Variants in OPCML observed in about 807,000 individuals in gnomAD.
The protein encoded by OPCML is opioid binding protein/cell adhesion molecule like.
Under a neutral mutation model 37.8 loss-of-function variants are expected in OPCML, and 13 were observed. The ratio of observed to expected loss-of-function variants is 0.34; its 90% CI spans 0.22 to 0.55. OPCML has a LOEUF of 0.55. Ranked by LOEUF, OPCML falls within the 20% of genes least tolerant of loss-of-function variation. The pLI is 0.91. For synonymous variants in OPCML, 176 were observed against 168.8 expected, an observed-to-expected ratio of 1.04 and a Z score of -0.33; for missense variants, 341 against 435.6, an observed-to-expected ratio of 0.78 and a Z score of 1.93.
intron 1 of OPCML, among the ~76,000 whole-genome samples, chr11:133,114,436 T>G (rs1949301336): frequency 6.6e-6 from 1 of 152,194 alleles, no homozygotes; most frequent in South Asian, 2.1e-4. Context: ...CAAAATCTTA[T>G]AATTACACAC....
intron 1 of OPCML, chr11:133,005,676 T>C (rs2136860525): frequency 4.1e-6 from 4 of 979,148 alleles, no homozygotes; most frequent in Non-Finnish European, 4.9e-6. Context: ...TGGATACTTA[T>C]CAATATATTA....
intron 1 of OPCML, among the ~76,000 whole-genome samples, chr11:132,976,193 C>T (rs1309782463): frequency 1.3e-5 from 2 of 151,988 alleles, no homozygotes; most frequent in Non-Finnish European, 2.9e-5. Flanking sequence ...GTAGAAATGC[C>T]AGCAATTTCC....
At chr11:133,258,928 G>T (rs891329495) in intron 1 of OPCML, among the ~76,000 whole-genome samples, 2 of 152,196 alleles carry the variant, frequency 1.3e-5, no homozygotes, top group East Asian at 3.9e-4. Context: ...AGCAGGGCCT[G>T]GCAGGCTTTG....
intron 1 of OPCML, among the ~76,000 whole-genome samples, chr11:132,996,454 TA>T (rs530006546): frequency 5.0e-3 from 662 of 132,720 alleles, no homozygotes; most frequent in Middle Eastern, 0.012. Flanking sequence ...CCATCTCTAC[TA>T]AAAAAAAAAA....
At chr11:132,429,032 G>GA (rs2136692501) in intron 7 of OPCML, among the ~76,000 whole-genome samples, 1 of 137,500 alleles carries the variant, frequency 7.3e-6, no homozygotes, top group African/African-American at 2.6e-5. Flanking sequence ...TGAATGGATG[G>GA]AGGGATGGAT....
chr11:132,962,819 T>C (rs79567115), intron 1 of OPCML, among the ~76,000 whole-genome samples: 3,257 of 152,280 alleles, frequency 0.021, 49 homozygotes, highest in Non-Finnish European at 0.032. Flanking sequence ...CTGTTTTTCG[T>C]ACAATATTTA....
At chr11:132,973,958 A>G (rs1350325486) in intron 1 of OPCML, among the ~76,000 whole-genome samples, 1 of 150,532 alleles carries the variant, frequency 6.6e-6, no homozygotes, top group East Asian at 1.9e-4. Context: ...GAAAGCACGG[A>G]GTGGATCTGG....
intron 3 of OPCML, among the ~76,000 whole-genome samples, chr11:132,535,648 G>A (rs2096338643): frequency 6.6e-6 from 1 of 152,210 alleles, no homozygotes; most frequent in African/African-American, 2.4e-5. Context: ...CTGGGACACA[G>A]TCTTAACCCT....
chr11:132,969,927 A>T (rs533237123), intron 1 of OPCML, among the ~76,000 whole-genome samples: 8 of 152,178 alleles, frequency 5.3e-5, no homozygotes, highest in African/African-American at 1.9e-4. Context: ...TCTCACAGGC[A>T]GTTTCTGTTG....
intron 1 of OPCML, among the ~76,000 whole-genome samples, chr11:132,992,601 G>A (rs1026680413): frequency 6.6e-6 from 1 of 152,138 alleles, no homozygotes; most frequent in South Asian, 2.1e-4. Flanking sequence ...TCGGGGAGAG[G>A]CAGGCAATGA....
At chr11:133,246,092 C>G (rs1320917573) in intron 1 of OPCML, among the ~76,000 whole-genome samples, 5 of 152,108 alleles carry the variant, frequency 3.3e-5, no homozygotes, top group African/African-American at 1.2e-4. Context: ...AAACCACTTT[C>G]TGCACATGTA....
chr11:132,735,841 G>A (rs922698567), intron 2 of OPCML, among the ~76,000 whole-genome samples: 7 of 152,098 alleles, frequency 4.6e-5, no homozygotes, highest in African/African-American at 1.4e-4. Context: ...AACAAAGATG[G>A]TACAAAATTA....
At chr11:132,540,855 A>G (rs1780720846) in intron 3 of OPCML, among the ~76,000 whole-genome samples, 1 of 152,198 alleles carries the variant, frequency 6.6e-6, no homozygotes, top group Admixed American at 6.5e-5. Flanking sequence ...ACTGACCATG[A>G]TCAGAGGAAC....
At chr11:133,446,638 T>C (rs954467017) in intron 1 of OPCML, among the ~76,000 whole-genome samples, 1 of 152,174 alleles carries the variant, frequency 6.6e-6, no homozygotes, top group Non-Finnish European at 1.5e-5. Context: ...ATCACCACAA[T>C]TCAGTTTTAG....
chr11:133,267,348 C>T (rs1941691875), intron 1 of OPCML, among the ~76,000 whole-genome samples: 1 of 152,156 alleles, frequency 6.6e-6, no homozygotes, highest in Non-Finnish European at 1.5e-5. Flanking sequence ...CCCACCTCTG[C>T]CACATTCTAG....
At chr11:133,367,680 C>G (rs548942834) in intron 1 of OPCML, among the ~76,000 whole-genome samples, 5 of 152,290 alleles carry the variant, frequency 3.3e-5, no homozygotes, top group Admixed American at 3.3e-4. Flanking sequence ...TCACAAATCC[C>G]ATCTGTTTCT....
intron 3 of OPCML, among the ~76,000 whole-genome samples, chr11:132,643,518 C>T (rs980452950): frequency 6.6e-5 from 10 of 152,304 alleles, no homozygotes; most frequent in Middle Eastern, 6.8e-3. Context: ...CACCAAGCCA[C>T]GGGCGAGGCT....
chr11:132,902,196 A>G (rs537928065), intron 2 of OPCML, among the ~76,000 whole-genome samples: 2 of 152,306 alleles, frequency 1.3e-5, no homozygotes, highest in East Asian at 1.9e-4. Context: ...AGGAACCCCA[A>G]CTTTCTTCAT....
chr11:133,195,830 T>C (rs1938514644), intron 1 of OPCML, among the ~76,000 whole-genome samples: 1 of 152,226 alleles, frequency 6.6e-6, no homozygotes, highest in South Asian at 2.1e-4. Context: ...ACACATAGTA[T>C]ATGCTCAATG....
Sources: gnomAD v4.1 joint callset for allele counts (sites outside exome capture counted in the v4.1 genomes callset) on GRCh38, gnomAD v4.1.1 for gene constraint, MANE v1.5 for transcripts, NCBI Gene and HGNC (gene_info 2026-07-23, HGNC 2026-07-21) for gene names.